Variants in SLC7A8 observed in about 807,000 individuals in gnomAD.
The protein encoded by SLC7A8 is large neutral amino acids transporter small subunit 2.
SLC7A8 carries 30 observed loss-of-function variants against 51.2 expected under a neutral mutation model. The ratio of observed to expected loss-of-function variants is 0.59; its 90% confidence interval spans 0.44 to 0.80. The LOEUF (loss-of-function observed/expected upper bound fraction) is 0.80, where lower values mean the gene tolerates loss of function less well. Ranked by LOEUF, SLC7A8 falls within the 30% of genes least tolerant of loss-of-function variation. The pLI is 0.00. For missense variants in SLC7A8, 612 were observed against 674.4 expected, an observed-to-expected ratio of 0.91 and a Z score of 1.03; for synonymous variants, 257 against 275.8, an observed-to-expected ratio of 0.93 and a Z score of 0.67.
chr14:23,181,066 C>T (rs778511693), intron 1 of SLC7A8, among the ~76,000 whole-genome samples: 6 of 152,072 alleles, frequency 3.9e-5, no homozygotes, highest in Non-Finnish European at 8.8e-5. Context: ...TTGGGAAGGG[C>T]GAGCCAGGCT....
intron 7 of SLC7A8, among the ~76,000 whole-genome samples, chr14:23,135,088 A>G (rs1418835419): frequency 1.3e-5 from 2 of 151,510 alleles, no homozygotes; most frequent in Non-Finnish European, 2.9e-5. Context: ...TATTTTTTTA[A>G]TATTTTTTAT....
chr14:23,127,951 C>T, intron 10 of SLC7A8, 68 bp downstream of exon 10: 2 of 1,459,428 alleles, frequency 1.4e-6, no homozygotes, highest in Non-Finnish European at 1.9e-6. Flanking sequence ...GGCTCCCCAA[C>T]CCCATCACTG....
chr14:23,168,996 C>T (rs2048963317), intron 1 of SLC7A8, among the ~76,000 whole-genome samples: 2 of 152,060 alleles, frequency 1.3e-5, no homozygotes, highest in African/African-American at 4.8e-5. Flanking sequence ...GAATAAGAGT[C>T]CTCACTTCAT....
chr14:23,149,336 G>T (rs1173972440), intron 3 of SLC7A8, among the ~76,000 whole-genome samples: 1 of 152,072 alleles, frequency 6.6e-6, no homozygotes, highest in Non-Finnish European at 1.5e-5. Flanking sequence ...ATCTAATCCA[G>T]GTTCTCCCCC....
chr14:23,171,737 G>C (rs1038910333), intron 1 of SLC7A8, among the ~76,000 whole-genome samples: 4 of 152,178 alleles, frequency 2.6e-5, no homozygotes, highest in Non-Finnish European at 5.9e-5. Context: ...AGGACTAAGG[G>C]AACAGCGTGA....
intron 4 of SLC7A8, among the ~76,000 whole-genome samples, chr14:23,141,090 C>G (rs1486647104): frequency 7.8e-6 from 1 of 128,322 alleles, no homozygotes; most frequent in Non-Finnish European, 1.7e-5. Context: ...TGAGACCAGC[C>G]TGGGCAACAT....
chr14:23,135,174 G>A (rs933510216), intron 7 of SLC7A8, among the ~76,000 whole-genome samples: 5 of 151,896 alleles, frequency 3.3e-5, no homozygotes, highest in Non-Finnish European at 7.4e-5. Flanking sequence ...TGCAACCTCC[G>A]CCTCCTGGGT....
chr14:23,135,062 C>T (rs2048676267), intron 7 of SLC7A8, among the ~76,000 whole-genome samples: 1 of 152,076 alleles, frequency 6.6e-6, no homozygotes, highest in African/African-American at 2.4e-5. Flanking sequence ...CCACCACGCC[C>T]AGCCCTAAAA....
chr14:23,138,876 G>T (rs1209066359), intron 6 of SLC7A8, among the ~76,000 whole-genome samples: 1 of 152,190 alleles, frequency 6.6e-6, no homozygotes, highest in Non-Finnish European at 1.5e-5. Context: ...GGCAGGCTGG[G>T]TGGTGGCCCA....
At position 23,127,160 on chromosome 14, in the gene SLC7A8, C is replaced by T; in HGVS notation, c.*17G>A. On this transcript the variant is annotated 3_prime_UTR_variant, in exon 11 of 11. Transcript: ENST00000316902. ...AAAAGGGGGAGGAAGGAGAGAGTAG[C>T]CAGGGAATGGTGGTCCTCAGGGCTG... 6.2e-7 allele frequency: 1 copy of T among 1,613,412 alleles called. No homozygotes were observed. Among genetic ancestry groups the T allele is most frequent in the Non-Finnish European group, 8.5e-7 (1 of 1,179,500 alleles).
In SLC7A8 at chr14:23,165,887, A is replaced by C. The variant is rs1470346309; in HGVS notation, c.356+449T>G. Among the ~76,000 whole-genome samples, 4 of 152,120 alleles carry C rather than the reference A, an allele frequency of 2.6e-5. No homozygotes were observed. The highest frequency in any genetic ancestry group is 5.9e-5 in the Non-Finnish European group (4 of 68,026). Reference sequence around the variant, plus strand: ...GGGTTTACCAATGGCAGGGATGCAGAAATTGAGGAAATTTAAGATTAGGGC... The same window carrying C: ...GGGTTTACCAATGGCAGGGATGCAGCAATTGAGGAAATTTAAGATTAGGGC... On this transcript the variant is annotated intron_variant, in intron 2 of 10. Coordinates refer to ENST00000316902, the MANE Select transcript of SLC7A8 (RefSeq NM_012244.4). The surrounding 1 kb of genome is among the most constrained non-coding windows in gnomAD (Gnocchi z 4.2).
At position 23,166,663 on chromosome 14, in the gene SLC7A8, A is replaced by T. The variant is rs1381610758; in HGVS notation, c.152-123T>A. 6.3e-6 allele frequency: 6 copies of T among 959,376 alleles called. No individual in the cohort carries two copies. The East Asian group carries it at 1.2e-4, about 20-fold the overall frequency. 59.4% of individuals were successfully genotyped at this position (959,376 alleles called of 1,614,324 possible). ...GAAATGCCTTGGATATATGTAAATGATCTGCAGGCAGGTGTGCCTAGCAAT... is the reference window on the plus strand; with the variant it reads ...GAAATGCCTTGGATATATGTAAATGTTCTGCAGGCAGGTGTGCCTAGCAAT... On this transcript the variant is annotated intron_variant, in intron 1 of 10. Transcript: ENST00000316902.
At chr14:23,137,531 TC>T (rs2048701846) in intron 7 of SLC7A8, among the ~76,000 whole-genome samples, 1 of 152,266 alleles carries the variant, frequency 6.6e-6, no homozygotes, top group South Asian at 2.1e-4. Context: ...CAAATGGGGT[TC>T]TTTTCTAGCC....
At chr14:23,169,526 C>T (rs2048966052) in intron 1 of SLC7A8, among the ~76,000 whole-genome samples, 1 of 152,156 alleles carries the variant, frequency 6.6e-6, no homozygotes, top group South Asian at 2.1e-4. Context: ...CGTGCCTCAA[C>T]CTCCCCAGTA....
chr14:23,134,243 C>T (rs116031386), intron 7 of SLC7A8, among the ~76,000 whole-genome samples: 1 of 151,586 alleles, frequency 6.6e-6, no homozygotes, highest in African/African-American at 2.4e-5. Context: ...CAAAATGCAG[C>T]CTGGGCAACA....
chr14:23,176,368 C>T (rs528169388), intron 1 of SLC7A8, among the ~76,000 whole-genome samples: 4 of 152,284 alleles, frequency 2.6e-5, no homozygotes, highest in African/African-American at 4.8e-5. Context: ...TCTTTCTGGA[C>T]TCCAGTCTCA....
At chr14:23,145,208 GCCGGGA>G (rs2048781702) in intron 3 of SLC7A8, among the ~76,000 whole-genome samples, 1 of 151,016 alleles carries the variant, frequency 6.6e-6, no homozygotes. Flanking sequence ...CCACCGCCCG[GCCGGGA>G]TGCATTTCTT....
chr14:23,163,822 A>G (rs1296676179), intron 3 of SLC7A8, among the ~76,000 whole-genome samples: 1 of 152,202 alleles, frequency 6.6e-6, no homozygotes, highest in Non-Finnish European at 1.5e-5. Context: ...ATCCATTGAG[A>G]TGACTAATAT....
rs570487481 is a variant in SLC7A8 at position 23,144,309 on chromosome 14, T to TC, written c.509-1106dup. On this transcript the variant is annotated intron_variant, in intron 3 of 10. Coordinates refer to ENST00000316902, the MANE Select transcript of SLC7A8 (RefSeq NM_012244.4). ...CAGAGTTCCTGTTGCTCTGTATCTT[T>TC]CCCAGCATTTGGTATTGTCAGTTTA... Among the ~76,000 whole-genome samples the TC allele has an allele frequency of 1.1e-3, 173 of 151,258 alleles. 1 individual carries two copies. The highest frequency in any genetic ancestry group is 3.8e-3 in the South Asian group (18 of 4,792).
Sources: gnomAD v4.1 joint callset for allele counts (sites outside exome capture counted in the v4.1 genomes callset) on GRCh38, gnomAD v4.1.1 for gene constraint, Gnocchi (gnomAD v3.1) non-coding constraint, MANE v1.5 for transcripts, NCBI Gene and HGNC (gene_info 2026-07-23, HGNC 2026-07-21) for gene names.